ARL15: variants seen among roughly 807,000 people sequenced by gnomAD.
ARL15 encodes ADP-ribosylation factor-like protein 15.
In ARL15, 19 loss-of-function variants were observed where a neutral mutation model predicts 25.2. That is an observed-to-expected ratio of 0.75 (90% CI 0.53 to 1.10). ARL15 has a LOEUF of 1.10. Ranked by LOEUF, ARL15 falls within the 50% of genes least tolerant of loss-of-function variation. The pLI is 0.00. For missense variants in ARL15, 220 were observed against 246.0 expected, an observed-to-expected ratio of 0.89 and a Z score of 0.71; for synonymous variants, 94 against 86.8, an observed-to-expected ratio of 1.08 and a Z score of -0.46.
Position 54,091,981 on chromosome 5 carries a change from C to T in ARL15, c.462+21221G>A, listed in dbSNP as rs534201010. Among the ~76,000 whole-genome samples the T allele has an allele frequency of 3.9e-5, 6 of 151,980 alleles. No homozygotes were observed. The South Asian group carries it at 1.2e-3, about 32-fold the overall frequency. On this transcript the variant is annotated intron_variant, in intron 4 of 4. Coordinates refer to ENST00000504924, the MANE Select transcript of ARL15 (RefSeq NM_019087.3). Reference sequence around the variant, plus strand: ...AGACATCCCAAGTCAAATGCATTTCCGCACATTCCTCTCCCTCTCCTGCCT... The same window carrying T: ...AGACATCCCAAGTCAAATGCATTTCTGCACATTCCTCTCCCTCTCCTGCCT...
chr5:54,037,088 A>G (rs1046363953), intron 4 of ARL15, among the ~76,000 whole-genome samples: 4 of 152,076 alleles, frequency 2.6e-5, no homozygotes, highest in African/African-American at 9.6e-5. Context: ...TTATTAGGTT[A>G]CAGAAAATCT....
intron 4 of ARL15, among the ~76,000 whole-genome samples, chr5:53,969,977 A>C (rs1292010652): frequency 6.6e-6 from 1 of 152,194 alleles, no homozygotes; most frequent in Non-Finnish European, 1.5e-5. Flanking sequence ...CTCTTGGCAT[A>C]CTGTAAAGGT....
chr5:54,096,963 C>G lies in ARL15; in HGVS notation c.462+16239G>C, dbSNP rs114393559. Among the ~76,000 whole-genome samples the G allele has an allele frequency of 8.5e-3, 1,301 of 152,222 alleles. 11 individuals carry two copies. Among genetic ancestry groups the G allele is most frequent in the Non-Finnish European group, 0.013 (889 of 68,010 alleles). On this transcript the variant is annotated intron_variant, in intron 4 of 4. Transcript: ENST00000504924. ...CACAGCCAGAGTACCTGAATCAAGA[C>G]TATGGGAGTAGCCAGTCCATCTCCT...
chr5:54,277,268 C>T (rs1757950719), intron 1 of ARL15, among the ~76,000 whole-genome samples: 1 of 151,874 alleles, frequency 6.6e-6, no homozygotes, highest in Non-Finnish European at 1.5e-5. Flanking sequence ...CTGCCTCCCT[C>T]CCCCCGCAAA....
intron 4 of ARL15, among the ~76,000 whole-genome samples, chr5:53,907,775 C>T (rs1435678398): frequency 6.6e-6 from 1 of 151,626 alleles, no homozygotes; most frequent in South Asian, 2.1e-4. Context: ...GGATTACAGG[C>T]GTGAGCCACA....
intron 4 of ARL15, among the ~76,000 whole-genome samples, chr5:53,967,681 G>C (rs1235580367): frequency 6.6e-6 from 1 of 152,190 alleles, no homozygotes; most frequent in Non-Finnish European, 1.5e-5. Context: ...TCAGGAGACA[G>C]ATCTAGGAAT....
chr5:53,946,080 A>G (rs1208141035), intron 4 of ARL15, among the ~76,000 whole-genome samples: 1 of 152,252 alleles, frequency 6.6e-6, no homozygotes, highest in Admixed American at 6.5e-5. Context: ...GAGGGATCAT[A>G]TCACTATGGT....
At chr5:54,080,010 C>CACATAT (rs1554038852) in intron 4 of ARL15, among the ~76,000 whole-genome samples, 7,116 of 144,718 alleles carry the variant, frequency 0.049, 277 homozygotes, top group Middle Eastern at 0.066. Flanking sequence ...CACACACACA[C>CACATAT]ACACACAGAC....
intron 3 of ARL15, among the ~76,000 whole-genome samples, chr5:54,133,411 C>T (rs1753497102): frequency 6.6e-6 from 1 of 152,096 alleles, no homozygotes; most frequent in African/African-American, 2.4e-5. Flanking sequence ...AGCAATCAAA[C>T]CCCGAGGAGA....
At position 53,939,087 on chromosome 5, in the gene ARL15, C is replaced by T. The variant is rs114360393; in HGVS notation, c.463-52374G>A. ...GTTGCATTTCTTCTAGAACATACTT[C>T]CCTCAACTACCCAAATTAAACATAT... is the stretch of plus-strand genomic sequence containing the variant. On this transcript the variant is annotated intron_variant, in intron 4 of 4. Coordinates refer to ENST00000504924, the MANE Select transcript of ARL15 (RefSeq NM_019087.3). 2.4e-3 allele frequency among the ~76,000 whole-genome samples: 363 copies of T among 152,270 alleles called. 1 individual carries two copies. Among genetic ancestry groups the T allele is most frequent in the African/African-American group, 8.2e-3 (340 of 41,564 alleles).
At position 53,978,495 on chromosome 5, in the gene ARL15, A is replaced by G. The variant is rs1008612059; in HGVS notation, c.463-91782T>C. Among the ~76,000 whole-genome samples the G allele has an allele frequency of 2.0e-5, 3 of 151,918 alleles. No individual in the cohort carries two copies. The East Asian group carries it at 5.8e-4, about 29-fold the overall frequency. On this transcript the variant is annotated intron_variant, in intron 4 of 4. Transcript: ENST00000504924. ...CCATTTGTCACAGCAACTAAAAGAA[A>G]TATCACAGGGCAAGCATGATGGCTC...
chr5:54,197,251 A>G (rs1451847758), intron 1 of ARL15, among the ~76,000 whole-genome samples: 1 of 152,132 alleles, frequency 6.6e-6, no homozygotes, highest in Admixed American at 6.6e-5. Flanking sequence ...AAGCAGCATG[A>G]ACTTGTCTGG....
intron 1 of ARL15, among the ~76,000 whole-genome samples, chr5:54,276,414 T>C (rs1406006979): frequency 6.6e-6 from 1 of 152,232 alleles, no homozygotes; most frequent in African/African-American, 2.4e-5. Flanking sequence ...ACTTCCGATC[T>C]ATCTGACAAA....
At chr5:54,000,867 C>T (rs569409790) in intron 4 of ARL15, among the ~76,000 whole-genome samples, 30 of 152,260 alleles carry the variant, frequency 2.0e-4, no homozygotes, top group South Asian at 8.3e-4. Flanking sequence ...CACCCCTGTA[C>T]CCAGGGCTGG....
At chr5:54,166,254 G>A (rs1157683735) in intron 2 of ARL15, among the ~76,000 whole-genome samples, 2 of 152,086 alleles carry the variant, frequency 1.3e-5, no homozygotes, top group African/African-American at 4.8e-5. Flanking sequence ...GAGTAAAGCA[G>A]TGTGATCACA....
chr5:53,965,618 G>GTTTTC (rs1747529582), intron 4 of ARL15, among the ~76,000 whole-genome samples: 1 of 150,426 alleles, frequency 6.6e-6, no homozygotes, highest in African/African-American at 2.4e-5. Flanking sequence ...TTCTATTTCT[G>GTTTTC]TTTTTCTTTT....
intron 4 of ARL15, among the ~76,000 whole-genome samples, chr5:53,947,032 G>T (rs934343202): frequency 6.6e-6 from 1 of 152,214 alleles, no homozygotes; most frequent in Non-Finnish European, 1.5e-5. Flanking sequence ...GGGCTGGGAT[G>T]AAGGGAAGGA....
intron 4 of ARL15, among the ~76,000 whole-genome samples, chr5:54,092,073 C>CACACACACACACACACACACACACA (rs143647206): frequency 3.1e-4 from 47 of 149,812 alleles, no homozygotes; most frequent in Admixed American, 6.6e-4. Context: ...CACACACACA[C>CACACACACACACACACACACACACA]CACCACCACC....
intron 4 of ARL15, among the ~76,000 whole-genome samples, chr5:53,921,808 T>G (rs1745868218): frequency 6.6e-6 from 1 of 152,158 alleles, no homozygotes; most frequent in Non-Finnish European, 1.5e-5. Flanking sequence ...AAAAGCAGAC[T>G]GCTCTGACTA....
Sources: allele counts gnomAD v4.1 joint callset (sites outside exome capture counted in the v4.1 genomes callset), GRCh38; gene constraint gnomAD v4.1.1; transcripts MANE v1.5; gene names NCBI Gene and HGNC (gene_info 2026-07-23, HGNC 2026-07-21).